The following SCARB2 variants were observed in gnomAD, a reference collection of about 807,000 sequenced individuals.
SCARB2 encodes lysosome membrane protein 2.
In SCARB2, 29 loss-of-function variants were observed where a neutral mutation model predicts 58.6. The ratio of observed to expected loss-of-function variants is 0.49; its 90% CI spans 0.37 to 0.67. SCARB2 has a LOEUF of 0.67. SCARB2 is among the 30% of genes least tolerant of loss of function. The pLI is 0.00. For synonymous variants in SCARB2, 195 were observed against 210.1 expected (o/e 0.93, Z 0.62); for missense variants, 488 against 578.5 (o/e 0.84, Z 1.60).
intron 1 of SCARB2, among the ~76,000 whole-genome samples, chr4:76,221,861 A>G (rs538970461): frequency 6.6e-6 from 1 of 152,224 alleles, no homozygotes; most frequent in East Asian, 1.9e-4. Context: ...AGCGACACCC[A>G]GTTTACCTGT....
At chr4:76,199,837 A>G (rs1185465644) in intron 1 of SCARB2, among the ~76,000 whole-genome samples, 1 of 152,222 alleles carries the variant, frequency 6.6e-6, no homozygotes, top group Non-Finnish European at 1.5e-5. Flanking sequence ...GTTTCCAGGC[A>G]GCCGCGCAGC....
intron 3 of SCARB2, 62 bp downstream of exon 3, chr4:76,180,892 A>G: frequency 6.9e-7 from 1 of 1,447,748 alleles, no homozygotes; most frequent in Non-Finnish European, 9.6e-7. Context: ...CATAAAGAGC[A>G]TTAACTTAGC....
chr4:76,179,466 C>A lies in SCARB2; in HGVS notation c.612+51G>T, dbSNP rs752145350. On this transcript the variant is annotated intron_variant, in intron 4 of 11. Coordinates refer to ENST00000264896, the MANE Select transcript of SCARB2 (RefSeq NM_005506.4). ...AAAGTTAATCTGGCTTGGGGTGCCC[C>A]AACCCACTGTCAGCTAAAAAAAGAG... is the stretch of plus-strand genomic sequence containing the variant. 6.6e-6 allele frequency: 9 copies of A among 1,355,264 alleles called. No individual in the cohort carries two copies. The East Asian group carries it at 2.1e-4, about 31-fold the overall frequency. The allele number at this position is 1,355,264 out of a possible 1,614,324, so 84.0% of individuals were successfully genotyped here.
chr4:76,211,148 G>A (rs1249020722), intron 1 of SCARB2, among the ~76,000 whole-genome samples: 2 of 152,126 alleles, frequency 1.3e-5, no homozygotes, highest in Non-Finnish European at 2.9e-5. Flanking sequence ...AGGTTTTGTG[G>A]GTCCTGAAGC....
intron 1 of SCARB2, among the ~76,000 whole-genome samples, chr4:76,224,516 A>G (rs2109981874): frequency 6.6e-6 from 1 of 152,324 alleles, no homozygotes; most frequent in African/African-American, 2.4e-5. Flanking sequence ...AGATGTTCAT[A>G]CATCTTAAAA....
At chr4:76,189,474 C>CTGTTGTTGTTGTTGTTGT (rs138885918) in intron 2 of SCARB2, among the ~76,000 whole-genome samples, 53 of 150,454 alleles carry the variant, frequency 3.5e-4, no homozygotes, top group African/African-American at 1.2e-3. Flanking sequence ...TTTTGTTTGT[C>CTGTTGTTGTTGTTGTTGT]TGTTGTTGTT....
chr4:76,209,820 C>T (rs1489380929), intron 1 of SCARB2, among the ~76,000 whole-genome samples: 2 of 152,214 alleles, frequency 1.3e-5, no homozygotes, highest in Non-Finnish European at 2.9e-5. Context: ...CCTAATGCTA[C>T]AGTCCTGCCT....
intron 2 of SCARB2, among the ~76,000 whole-genome samples, chr4:76,189,618 C>T (rs1732561209): frequency 6.6e-6 from 1 of 151,916 alleles, no homozygotes; most frequent in Non-Finnish European, 1.5e-5. Flanking sequence ...TGTGCCACCA[C>T]ACCCAGCTAA....
chr4:76,234,508 T>G (rs1447807153), exon 1 of SCARB2: 1 of 152,182 alleles, frequency 6.6e-6, no homozygotes, highest in Non-Finnish European at 1.5e-5. Context: ...GAATGCTTCC[T>G]GCTTTACGGT....
chr4:76,189,553 G>A (rs1732559005), intron 2 of SCARB2, among the ~76,000 whole-genome samples: 1 of 152,162 alleles, frequency 6.6e-6, no homozygotes, highest in Admixed American at 6.5e-5. Context: ...CGTGATCTCA[G>A]CTCACTGCAA....
At chr4:76,174,425 G>C in intron 6 of SCARB2, 112 bp from the exon 7 acceptor site, 1 of 910,610 alleles carries the variant, frequency 1.1e-6, no homozygotes, top group Non-Finnish European at 1.8e-6. Flanking sequence ...AGCTCACAGG[G>C]TAAGTAGAAA....
At chr4:76,184,021 G>A (rs2034002) in intron 2 of SCARB2, among the ~76,000 whole-genome samples, 16,542 of 152,184 alleles carry the variant, frequency 0.11, 1,123 homozygotes, top group East Asian at 0.21. Context: ...ATCACACTAA[G>A]CACCAAGCTA....
chr4:76,178,117 G>A (rs563636254), intron 4 of SCARB2, among the ~76,000 whole-genome samples: 42 of 152,090 alleles, frequency 2.8e-4, no homozygotes, highest in Admixed American at 2.3e-3. Context: ...GGAAGAAGAC[G>A]GTATTAATAT....
At chr4:76,174,927 C>T (rs552802260) in intron 6 of SCARB2, 2 of 158,304 alleles carry the variant, frequency 1.3e-5, no homozygotes, top group Admixed American at 1.2e-4. Flanking sequence ...ATGACCACTG[C>T]TTACACTGCA....
At chr4:76,198,539 A>G (rs1402369720) in intron 1 of SCARB2, among the ~76,000 whole-genome samples, 1 of 152,238 alleles carries the variant, frequency 6.6e-6, no homozygotes, top group African/African-American at 2.4e-5. Flanking sequence ...AAACAAGAAC[A>G]ATAAAAACTG....
chr4:76,221,958 T>A (rs1261574551), intron 1 of SCARB2, among the ~76,000 whole-genome samples: 1 of 152,222 alleles, frequency 6.6e-6, no homozygotes, highest in African/African-American at 2.4e-5. Context: ...CCACATGATG[T>A]TGTGGAATTC....
intron 5 of SCARB2, 48 bp from the exon 6 acceptor site, chr4:76,175,958 T>A: frequency 6.2e-7 from 1 of 1,607,932 alleles, no homozygotes; most frequent in Non-Finnish European, 8.5e-7. Flanking sequence ...ACATTTGAGT[T>A]TAGATTCTCT....
intron 1 of SCARB2, among the ~76,000 whole-genome samples, chr4:76,220,862 G>T (rs1003033320): frequency 1.3e-5 from 2 of 152,190 alleles, no homozygotes; most frequent in African/African-American, 4.8e-5. Flanking sequence ...GTACAAGAAT[G>T]CTTCCAGGTG....
chr4:76,172,733 G>A (rs1221885115), intron 7 of SCARB2: 1 of 150,962 alleles, frequency 6.6e-6, no homozygotes, highest in African/African-American at 2.4e-5. Context: ...GCCCAGGCTA[G>A]AATCAAACTG....
Sources: gnomAD v4.1 joint callset for allele counts (sites outside exome capture counted in the v4.1 genomes callset) on GRCh38, gnomAD v4.1.1 for gene constraint, MANE v1.5 for transcripts, NCBI Gene and HGNC (gene_info 2026-07-23, HGNC 2026-07-21) for gene names.